Variants in KLHL28 observed in about 807,000 individuals in gnomAD.
KLHL28 encodes kelch-like protein 28.
A neutral mutation model predicts 48.3 loss-of-function variants in KLHL28; 22 were observed. The observed-to-expected ratio is 0.46, with a 90% confidence interval of 0.33 to 0.65. The LOEUF (loss-of-function observed/expected upper bound fraction) is 0.65. Among genes scored for constraint, KLHL28 ranks in the 30% least tolerant of loss-of-function variants. The pLI, the probability that KLHL28 is intolerant of heterozygous loss-of-function variation, is 0.03. For synonymous variants in KLHL28, 243 were observed against 242.4 expected (o/e 1.00, Z -0.02); for missense variants, 527 against 704.3 (o/e 0.75, Z 2.85).
intron 1 of KLHL28, among the ~76,000 whole-genome samples, chr14:44,960,134 G>A (rs1884968721): frequency 6.6e-6 from 1 of 152,124 alleles, no homozygotes; most frequent in Non-Finnish European, 1.5e-5. Flanking sequence ...AATGTATAGT[G>A]ATCCACAGGG....
chr14:44,952,267 A>C (rs1326418186), intron 1 of KLHL28, among the ~76,000 whole-genome samples: 1 of 152,174 alleles, frequency 6.6e-6, no homozygotes, highest in Non-Finnish European at 1.5e-5. Context: ...TTTTTAAAAC[A>C]GTGGTTTTCA....
At chr14:44,949,773 C>T (rs544631358) in intron 1 of KLHL28, among the ~76,000 whole-genome samples, 3 of 152,098 alleles carry the variant, frequency 2.0e-5, no homozygotes, top group South Asian at 2.1e-4. Flanking sequence ...AGAGAAAAGA[C>T]GCATCTGTAG....
At chr14:44,933,097 A>G (rs1883653985) in intron 3 of KLHL28, among the ~76,000 whole-genome samples, 2 of 152,102 alleles carry the variant, frequency 1.3e-5, no homozygotes, top group East Asian at 3.8e-4. Flanking sequence ...GATTACTTAT[A>G]ATACTATGCA....
intron 1 of KLHL28, chr14:44,959,507 C>T (rs964082805): frequency 3.9e-5 from 6 of 152,018 alleles, no homozygotes; most frequent in Non-Finnish European, 7.4e-5. Context: ...TTCAATATTC[C>T]TGGATGTCTG....
At chr14:44,936,418 G>A (rs1205455385) in intron 2 of KLHL28, among the ~76,000 whole-genome samples, 1 of 152,184 alleles carries the variant, frequency 6.6e-6, no homozygotes. Context: ...TAGTGAATAA[G>A]TAGAGAGGTG....
chr14:44,945,137 A>G lies in KLHL28; in HGVS notation c.792T>C (p.Pro264=), dbSNP rs1884266787. The change falls in exon 2 of 5, where the codon CCT becomes CCC. Residue 264 remains proline (P), a synonymous_variant. Transcript: ENST00000396128. ...CTGTCTGATGAGAGAGTCTATGTTC[A>G]GGCATAAAGTGGTACTTTAGGGCTT... ...LNEALKYHFM[P]EHRLSHQTVL... 1 of 1,614,010 alleles carries G rather than the reference A, an allele frequency of 6.2e-7. No individual in the cohort carries two copies. The highest frequency in any genetic ancestry group is 1.7e-5 in the Admixed American group (1 of 60,006).
chr14:44,935,890 G>GTGTATATATATATATATATATA (rs1555337906), intron 2 of KLHL28, among the ~76,000 whole-genome samples: 4 of 59,092 alleles, frequency 6.8e-5, no homozygotes, highest in Admixed American at 2.5e-4. Flanking sequence ...ATATATGTGT[G>GTGTATATATATATATATATATA]TATATATATA....
At chr14:44,961,010 AAT>A (rs943216825) in intron 1 of KLHL28, 15 of 801,380 alleles carry the variant, frequency 1.9e-5, no homozygotes, top group South Asian at 7.8e-5. Context: ...AAAAAAAAAA[AAT>A]ATCTCTTCCA....
intron 1 of KLHL28, chr14:44,959,392 ATTGT>A (rs1367977291): frequency 6.6e-6 from 1 of 152,118 alleles, no homozygotes; most frequent in Non-Finnish European, 1.5e-5. Flanking sequence ...TATTATTATG[ATTGT>A]TTGTTAATAT....
In KLHL28 at chr14:44,931,407, A is replaced by G. The variant is rs1883582400; in HGVS notation, c.1478T>C (p.Leu493Ser). The change falls in exon 4 of 5, where the codon TTG (leucine) becomes TCG (serine). Residue 493 changes from leucine (L) to serine (S), a missense_variant. By Grantham distance (145) the Leu-to-Ser change is moderately radical. Coordinates refer to ENST00000396128, the MANE Select transcript of KLHL28 (RefSeq NM_017658.5). ...AGGATCGTATCTTTCAATGCTGGACAAATGTGAGACTCCATTATGTCCACC... is the reference window on the plus strand; with the variant it reads ...AGGATCGTATCTTTCAATGCTGGACGAATGTGAGACTCCATTATGTCCACC... ...VVGGHNGVSH[L>S]SSIERYDPHQ... is the part of the protein sequence containing the mutation. 1 of 1,613,970 alleles carries G rather than the reference A, an allele frequency of 6.2e-7. No homozygotes were observed. The highest frequency in any genetic ancestry group is 8.5e-7 in the Non-Finnish European group (1 of 1,180,000).
chr14:44,946,551 C>CTTTTTTTTTTTTT, intron 1 of KLHL28, among the ~76,000 whole-genome samples: 1 of 122,542 alleles, frequency 8.2e-6, no homozygotes, highest in Non-Finnish European at 1.7e-5. Flanking sequence ...CCACTCAACT[C>CTTTTTTTTTTTTT]TTTTTTTTTT....
intron 2 of KLHL28, among the ~76,000 whole-genome samples, chr14:44,938,270 G>A (rs1883909042): frequency 6.6e-6 from 1 of 152,056 alleles, no homozygotes; most frequent in Admixed American, 6.6e-5. Flanking sequence ...ACACAATGGT[G>A]AGAAAGGCAG....
intron 1 of KLHL28, among the ~76,000 whole-genome samples, chr14:44,956,945 G>A (rs746549785): frequency 1.3e-5 from 2 of 152,140 alleles, no homozygotes; most frequent in African/African-American, 4.8e-5. Context: ...AGCCTCCCAA[G>A]TAGCTAGAAC....
chr14:44,931,590 T>A, intron 3 of KLHL28, 49 bp from the exon 4 acceptor site: 1 of 1,460,470 alleles, frequency 6.8e-7, no homozygotes, highest in Non-Finnish European at 9.4e-7. Flanking sequence ...TGTGTCATTC[T>A]TCCTGTCAAA....
At chr14:44,960,767 G>T in intron 1 of KLHL28, 1 of 161,740 alleles carries the variant, frequency 6.2e-6, no homozygotes. Flanking sequence ...CGTACTTTAA[G>T]GCAAAAATCC....
chr14:44,940,960 T>A (rs1235771717), intron 2 of KLHL28, among the ~76,000 whole-genome samples: 2 of 151,762 alleles, frequency 1.3e-5, no homozygotes, highest in Non-Finnish European at 2.9e-5. Flanking sequence ...ATTAGCCGGG[T>A]GTGGTGGCAT....
intron 1 of KLHL28, among the ~76,000 whole-genome samples, chr14:44,956,955 C>T (rs1884817051): frequency 6.6e-6 from 1 of 152,128 alleles, no homozygotes; most frequent in Non-Finnish European, 1.5e-5. Context: ...GTAGCTAGAA[C>T]TACAGGCGCA....
intron 2 of KLHL28, among the ~76,000 whole-genome samples, chr14:44,943,394 T>G (rs1884182933): frequency 6.6e-6 from 1 of 152,184 alleles, no homozygotes; most frequent in African/African-American, 2.4e-5. Flanking sequence ...GCAGTGGCTT[T>G]TGCCTGTAAT....
In KLHL28 at chr14:44,941,093, C is replaced by T. The variant is rs148179767; in HGVS notation, c.899+3937G>A. Reference sequence around the variant, plus strand: ...CCAGCCTGGGCAACAAAGTGAGACACCTGGGCGACAGAGCGAGATGCCGTC... The same window carrying T: ...CCAGCCTGGGCAACAAAGTGAGACATCTGGGCGACAGAGCGAGATGCCGTC... On this transcript the variant is annotated intron_variant, in intron 2 of 4. Coordinates refer to ENST00000396128, the MANE Select transcript of KLHL28 (RefSeq NM_017658.5). Among the ~76,000 whole-genome samples, 960 of 151,448 alleles carry T rather than the reference C, an allele frequency of 6.3e-3. 9 individuals carry two copies. The highest frequency in any genetic ancestry group is 0.022 in the African/African-American group (915 of 41,294).
Sources: gnomAD v4.1 joint callset for allele counts (sites outside exome capture counted in the v4.1 genomes callset) on GRCh38, gnomAD v4.1.1 for gene constraint, MANE v1.5 for transcripts, NCBI Gene and HGNC (gene_info 2026-07-23, HGNC 2026-07-21) for gene names.